Variants in ST8SIA6 observed in about 807,000 individuals in gnomAD.
The protein encoded by ST8SIA6 is ST8 alpha-N-acetyl-neuraminide alpha-2,8-sialyltransferase 6.
Under a neutral mutation model 33.6 loss-of-function variants are expected in ST8SIA6, and 39 were observed. The observed-to-expected ratio is 1.16, with a 90% CI of 0.90 to 1.52. ST8SIA6 has a LOEUF of 1.52. ST8SIA6 is among the 40% of genes most tolerant of loss of function. The pLI, the probability that ST8SIA6 is intolerant of heterozygous loss-of-function variation, is 0.00. For synonymous variants in ST8SIA6, 172 were observed against 167.2 expected (o/e 1.03, Z -0.22); for missense variants, 441 against 443.8 (o/e 0.99, Z 0.06).
intron 2 of ST8SIA6, among the ~76,000 whole-genome samples, chr10:17,431,807 C>A (rs1309270247): frequency 1.3e-5 from 2 of 151,686 alleles, no homozygotes; most frequent in Non-Finnish European, 2.9e-5. Context: ...TTATTCCAGG[C>A]ACAACAGTAA....
At chr10:17,346,013 A>G (rs993748733) in intron 4 of ST8SIA6, among the ~76,000 whole-genome samples, 3 of 152,190 alleles carry the variant, frequency 2.0e-5, no homozygotes, top group Admixed American at 6.5e-5. Flanking sequence ...GGGATTTCCA[A>G]TGCGAGGTCA....
intron 3 of ST8SIA6, among the ~76,000 whole-genome samples, chr10:17,363,191 C>T (rs1215248733): frequency 3.3e-5 from 5 of 152,138 alleles, no homozygotes; most frequent in South Asian, 4.1e-4. Context: ...ATGTATCTAT[C>T]GCTTGAGAAT....
At chr10:17,351,906 A>G (rs1198849261) in intron 4 of ST8SIA6, among the ~76,000 whole-genome samples, 1 of 152,130 alleles carries the variant, frequency 6.6e-6, no homozygotes. Context: ...GGAGGAGATG[A>G]TGGTCAAAGG....
intron 6 of ST8SIA6, 93 bp from the exon 7 acceptor site, chr10:17,323,250 C>CACACACAA: frequency 1.4e-6 from 1 of 722,208 alleles, no homozygotes; most frequent in Non-Finnish European, 2.3e-6. Context: ...CACACACACA[C>CACACACAA]CTATCTATAA....
chr10:17,439,204 T>A (rs1479372221), intron 2 of ST8SIA6, among the ~76,000 whole-genome samples: 1 of 152,166 alleles, frequency 6.6e-6, no homozygotes, highest in South Asian at 2.1e-4. Flanking sequence ...GGTATTCAGC[T>A]TTTTACACAT....
At chr10:17,448,348 C>T (rs1315820951) in intron 2 of ST8SIA6, among the ~76,000 whole-genome samples, 1 of 152,154 alleles carries the variant, frequency 6.6e-6, no homozygotes, top group Non-Finnish European at 1.5e-5. Flanking sequence ...ACAGCAGTTG[C>T]TGTCCAGGAC....
At chr10:17,335,057 C>T (rs1042293031) in intron 4 of ST8SIA6, among the ~76,000 whole-genome samples, 6 of 152,188 alleles carry the variant, frequency 3.9e-5, no homozygotes, top group South Asian at 2.1e-4. Context: ...AAATACTTCA[C>T]GTACTTGAAA....
At position 17,374,071 on chromosome 10, in the gene ST8SIA6, C is replaced by CCACACACA. The variant is rs58234998; in HGVS notation, c.291-14479_291-14472dup. Among the ~76,000 whole-genome samples the CCACACACA allele has an allele frequency of 4.5e-3, 629 of 139,106 alleles. 2 individuals are homozygous for CCACACACA. The highest frequency in any genetic ancestry group is 0.011 in the Middle Eastern group (3 of 276). The allele number at this position is 139,106 out of a possible 152,430, so 91.3% of individuals were successfully genotyped here. A position where few individuals can be genotyped will look rare whatever the true frequency, so the allele number is the denominator to read the frequency against. ...AGTTATCTTTTAACATCAACAACCA[C>CCACACACA]CACACACACACACACACACACACAC... On this transcript the variant is annotated intron_variant, in intron 3 of 7. Transcript: ENST00000377602.
intron 2 of ST8SIA6, chr10:17,408,359 C>T (rs967554044): frequency 7.2e-5 from 11 of 152,372 alleles, no homozygotes; most frequent in Non-Finnish European, 1.6e-4. Flanking sequence ...AAGTAAATTT[C>T]TCTGCTAATT....
intron 2 of ST8SIA6, among the ~76,000 whole-genome samples, chr10:17,423,069 G>A (rs181894685): frequency 6.7e-4 from 102 of 152,262 alleles, no homozygotes; most frequent in Non-Finnish European, 1.2e-3. Flanking sequence ...TGGCTGCACC[G>A]GAGCCAAGGA....
intron 4 of ST8SIA6, among the ~76,000 whole-genome samples, chr10:17,334,987 A>G (rs1848458034): frequency 1.3e-5 from 2 of 152,232 alleles, no homozygotes; most frequent in Admixed American, 1.3e-4. Flanking sequence ...TTGCACAACG[A>G]AACTATGTTT....
intron 2 of ST8SIA6, among the ~76,000 whole-genome samples, chr10:17,437,204 G>A (rs1852296179): frequency 6.6e-6 from 1 of 152,106 alleles, no homozygotes; most frequent in Non-Finnish European, 1.5e-5. Flanking sequence ...TGTTGCCTCA[G>A]GCTGGAGTGC....
At chr10:17,446,529 G>T (rs1464321913) in intron 2 of ST8SIA6, among the ~76,000 whole-genome samples, 1 of 152,186 alleles carries the variant, frequency 6.6e-6, no homozygotes, top group Non-Finnish European at 1.5e-5. Flanking sequence ...TACTGTTTTT[G>T]ATAGAGCACA....
At chr10:17,409,313 A>G (rs1343544489) in intron 2 of ST8SIA6, 1 of 152,558 alleles carries the variant, frequency 6.6e-6, no homozygotes, top group African/African-American at 2.4e-5. Flanking sequence ...TTTTATATTC[A>G]TTTTCAGGAA....
intron 6 of ST8SIA6, among the ~76,000 whole-genome samples, chr10:17,324,149 TA>T (rs897097167): frequency 1.3e-4 from 20 of 152,216 alleles, no homozygotes; most frequent in African/African-American, 4.8e-4. Flanking sequence ...TATGACTTTC[TA>T]AATATCATTT....
At chr10:17,432,851 CAT>C (rs1852142524) in intron 2 of ST8SIA6, among the ~76,000 whole-genome samples, 1 of 152,216 alleles carries the variant, frequency 6.6e-6, no homozygotes, top group African/African-American at 2.4e-5. Flanking sequence ...TTCAACGACT[CAT>C]AGACTGCTAA....
intron 2 of ST8SIA6, among the ~76,000 whole-genome samples, chr10:17,411,595 G>T (rs980698281): frequency 7.9e-5 from 12 of 152,212 alleles, no homozygotes; most frequent in African/African-American, 2.9e-4. Flanking sequence ...GGAATAACCT[G>T]CATCTAGTTA....
At chr10:17,334,194 A>G (rs1422354333) in intron 4 of ST8SIA6, among the ~76,000 whole-genome samples, 1 of 152,056 alleles carries the variant, frequency 6.6e-6, no homozygotes, top group Non-Finnish European at 1.5e-5. Context: ...TGATACTGTT[A>G]TAACACTAAA....
chr10:17,376,919 G>T (rs145709839), intron 3 of ST8SIA6, among the ~76,000 whole-genome samples: 13 of 152,272 alleles, frequency 8.5e-5, no homozygotes, highest in African/African-American at 3.1e-4. Flanking sequence ...AAAAGTATTG[G>T]TTTATAGATT....
Sources: gnomAD v4.1 joint callset for allele counts (sites outside exome capture counted in the v4.1 genomes callset) on GRCh38, gnomAD v4.1.1 for gene constraint, MANE v1.5 for transcripts, NCBI Gene and HGNC (gene_info 2026-07-23, HGNC 2026-07-21) for gene names.